The following MAP2 variants were observed in gnomAD, a reference collection of about 807,000 sequenced individuals.
MAP2 encodes the protein microtubule-associated protein 2.
A neutral mutation model predicts 137.6 loss-of-function variants in MAP2; 14 were observed. That is an observed-to-expected ratio of 0.10 (90% CI 0.07 to 0.16). The LOEUF (loss-of-function observed/expected upper bound fraction) is 0.16. MAP2 is among the 10% of genes least tolerant of loss of function. The pLI is 1.00. For missense variants in MAP2, 2,088 were observed against 2,191.5 expected, an observed-to-expected ratio of 0.95 and a Z score of 0.94; for synonymous variants, 786 against 782.3, an observed-to-expected ratio of 1.00 and a Z score of -0.08.
intron 4 of MAP2, among the ~76,000 whole-genome samples, chr2:209,630,083 A>T (rs1201644172): frequency 2.0e-5 from 3 of 152,162 alleles, no homozygotes; most frequent in Admixed American, 1.3e-4. Context: ...TAGAATTTTT[A>T]AAAATGGTGG....
rs181480744 is a variant in MAP2, at chr2:209,652,884, T to G, written c.-29-258T>G. Among the ~76,000 whole-genome samples, 26 of 152,284 alleles carry G rather than the reference T, an allele frequency of 1.7e-4. No individual in the cohort carries two copies. The East Asian group carries it at 4.8e-3, about 28-fold the overall frequency. Reference sequence around the variant, plus strand: ...TGGTTTTTTGTTTTGTTTTGTTTTGTTTTTGTTTGTTTACAAAAAGGAATA... The same window carrying G: ...TGGTTTTTTGTTTTGTTTTGTTTTGGTTTTGTTTGTTTACAAAAAGGAATA... On this transcript the variant is annotated intron_variant, in intron 4 of 15. Coordinates refer to ENST00000682079, the MANE Select transcript of MAP2 (RefSeq NM_001375505.1).
chr2:209,518,501 C>G (rs776307203), intron 2 of MAP2, among the ~76,000 whole-genome samples: 4 of 152,084 alleles, frequency 2.6e-5, no homozygotes, highest in Non-Finnish European at 4.4e-5. Context: ...AATGAGGACT[C>G]AGAAGTTGAG....
intron 12 of MAP2, among the ~76,000 whole-genome samples, chr2:209,706,181 A>G (rs560259687): frequency 2.4e-4 from 37 of 152,144 alleles, no homozygotes; most frequent in Admixed American, 5.9e-4. Flanking sequence ...TTGCATTCCA[A>G]ATGAGCTATA....
chr2:209,694,369 C>G lies in MAP2; in HGVS notation c.2199C>G (p.Thr733=). The part of the protein sequence containing the change: ...DLSPLASDIL[T]NTSGSMDEGD... ...CTCCTCTGGCTTCCGATATTCTAAC[C>G]AACACTAGTGGAAGTATGGATGAAG... The change falls in exon 8 of 16, where the codon ACC becomes ACG. Residue 733 remains threonine (T), a synonymous_variant. Coordinates refer to ENST00000682079, the MANE Select transcript of MAP2 (RefSeq NM_001375505.1). 1 of 1,613,994 alleles carries G rather than the reference C, an allele frequency of 6.2e-7. No individual in the cohort carries two copies. The highest frequency in any genetic ancestry group is 8.5e-7 in the Non-Finnish European group (1 of 1,179,978).
At chr2:209,665,674 T>C (rs1490018985) in intron 5 of MAP2, among the ~76,000 whole-genome samples, 1 of 152,192 alleles carries the variant, frequency 6.6e-6, no homozygotes, top group Non-Finnish European at 1.5e-5. Context: ...CTCTATTTCA[T>C]CTTTGAGTGC....
chr2:209,648,046 A>G (rs983088286), intron 4 of MAP2, among the ~76,000 whole-genome samples: 4 of 152,010 alleles, frequency 2.6e-5, no homozygotes, highest in African/African-American at 9.7e-5. Flanking sequence ...TAGTCATAAT[A>G]CAATAAAGTC....
At chr2:209,620,697 A>T (rs776425503) in intron 3 of MAP2, among the ~76,000 whole-genome samples, 1 of 152,194 alleles carries the variant, frequency 6.6e-6, no homozygotes, top group Admixed American at 6.5e-5. Flanking sequence ...TGAATAATAG[A>T]TATTTTCCCA....
chr2:209,462,633 T>G (rs930897314), intron 1 of MAP2, among the ~76,000 whole-genome samples: 1 of 152,170 alleles, frequency 6.6e-6, no homozygotes, highest in African/African-American at 2.4e-5. Context: ...ACTTTGGATG[T>G]TCTCTTCCAC....
chr2:209,467,640 AT>A (rs1156989411), intron 1 of MAP2, among the ~76,000 whole-genome samples: 1 of 152,120 alleles, frequency 6.6e-6, no homozygotes, highest in Non-Finnish European at 1.5e-5. Context: ...TTCCTAAAGT[AT>A]TTTATTTCTC....
chr2:209,709,198 A>C (rs990606200), intron 12 of MAP2, among the ~76,000 whole-genome samples: 2 of 152,130 alleles, frequency 1.3e-5, no homozygotes, highest in Non-Finnish European at 2.9e-5. Flanking sequence ...AGAGGAGAAA[A>C]CACAATCAGG....
intron 4 of MAP2, among the ~76,000 whole-genome samples, chr2:209,644,670 C>CAAAAAA (rs68166330): frequency 1.5e-5 from 1 of 68,540 alleles, no homozygotes; most frequent in Non-Finnish European, 3.5e-5. Flanking sequence ...GACCCTGTCT[C>CAAAAAA]AAAAAAAAAA....
At chr2:209,646,127 G>A (rs1315362848) in intron 4 of MAP2, among the ~76,000 whole-genome samples, 5 of 152,150 alleles carry the variant, frequency 3.3e-5, no homozygotes, top group Admixed American at 3.3e-4. Context: ...AGCCCGGGAG[G>A]TTGAGGCTGC....
At chr2:209,468,317 C>CTTTTTTTTTTTT (rs11450792) in intron 1 of MAP2, among the ~76,000 whole-genome samples, 3 of 88,530 alleles carry the variant, frequency 3.4e-5, no homozygotes, top group East Asian at 6.8e-4. Context: ...TTTAGTGTTT[C>CTTTTTTTTTTTT]TTTTTTTTTT....
chr2:209,719,418 T>C (rs2069191424), intron 13 of MAP2, among the ~76,000 whole-genome samples: 1 of 152,220 alleles, frequency 6.6e-6, no homozygotes, highest in South Asian at 2.1e-4. Flanking sequence ...GAAATTCAAG[T>C]TGACATTGGG....
chr2:209,542,463 G>A (rs559894758), intron 2 of MAP2, among the ~76,000 whole-genome samples: 2 of 152,334 alleles, frequency 1.3e-5, no homozygotes, highest in Admixed American at 1.3e-4. Flanking sequence ...TAACAGGAGA[G>A]TCAGCCTGTC....
chr2:209,626,325 G>A (rs758212914), intron 4 of MAP2, among the ~76,000 whole-genome samples: 3 of 152,154 alleles, frequency 2.0e-5, no homozygotes, highest in Non-Finnish European at 2.9e-5. Context: ...TGAGGCAGGA[G>A]TATCTCTTGA....
intron 1 of MAP2, among the ~76,000 whole-genome samples, chr2:209,478,386 T>A (rs1276094213): frequency 6.6e-6 from 1 of 152,174 alleles, no homozygotes; most frequent in Non-Finnish European, 1.5e-5. Flanking sequence ...AGTTAACGCA[T>A]CCAAAGAATT....
chr2:209,661,331 G>A (rs1259753587), intron 5 of MAP2: 4 of 159,126 alleles, frequency 2.5e-5, no homozygotes, highest in Non-Finnish European at 4.0e-5. Flanking sequence ...CCTGCAAAAT[G>A]ACTAAAGCCA....
intron 3 of MAP2, among the ~76,000 whole-genome samples, chr2:209,613,279 A>G (rs2087682402): frequency 7.1e-6 from 1 of 141,254 alleles, no homozygotes; most frequent in South Asian, 2.3e-4. Context: ...TTATTTATTT[A>G]TTTTAATCTG....
Sources: allele counts gnomAD v4.1 joint callset (sites outside exome capture counted in the v4.1 genomes callset), GRCh38; gene constraint gnomAD v4.1.1; transcripts MANE v1.5; gene names NCBI Gene and HGNC (gene_info 2026-07-23, HGNC 2026-07-21).